Variants in TAOK3 observed in about 807,000 individuals in gnomAD.
TAOK3 encodes the protein TAO kinase 3, also known as serine/threonine-protein kinase TAO3.
Under a neutral mutation model 120.4 loss-of-function variants are expected in TAOK3, and 40 were observed. The observed-to-expected ratio is 0.33, with a 90% confidence interval of 0.26 to 0.43. TAOK3 has a LOEUF of 0.43. Among genes scored for constraint, TAOK3 ranks in the 20% least tolerant of loss-of-function variants. The pLI is 1.00. For missense variants in TAOK3, 821 were observed against 1,112.1 expected, an observed-to-expected ratio of 0.74 and a Z score of 3.72; for synonymous variants, 355 against 387.5, an observed-to-expected ratio of 0.92 and a Z score of 0.99.
intron 19 of TAOK3, among the ~76,000 whole-genome samples, chr12:118,157,951 C>T (rs1193881204): frequency 6.6e-6 from 1 of 152,186 alleles, no homozygotes; most frequent in African/African-American, 2.4e-5. Context: ...AAAGCAGTCT[C>T]ACTTACCATC....
intron 1 of TAOK3, among the ~76,000 whole-genome samples, chr12:118,316,222 A>C (rs772930865): frequency 3.3e-5 from 5 of 152,210 alleles, no homozygotes; most frequent in Non-Finnish European, 7.4e-5. Context: ...CCTAATGATC[A>C]TGGATTTGTT....
chr12:118,321,755 A>T (rs1165264447), intron 1 of TAOK3, among the ~76,000 whole-genome samples: 1 of 152,074 alleles, frequency 6.6e-6, no homozygotes, highest in Non-Finnish European at 1.5e-5. Flanking sequence ...TTGTTGTTTC[A>T]CTTATCTGAG....
chr12:118,318,947 T>C (rs966958774), intron 1 of TAOK3, among the ~76,000 whole-genome samples: 1 of 152,094 alleles, frequency 6.6e-6, no homozygotes, highest in African/African-American at 2.4e-5. Flanking sequence ...TAGAGAACAT[T>C]ACACTCAATG....
intron 14 of TAOK3, among the ~76,000 whole-genome samples, chr12:118,185,742 G>A (rs1474404520): frequency 6.6e-6 from 1 of 152,212 alleles, no homozygotes; most frequent in Non-Finnish European, 1.5e-5. Context: ...AAATTCTCAT[G>A]TGATAGCAAG....
intron 1 of TAOK3, among the ~76,000 whole-genome samples, chr12:118,321,049 T>C (rs908921177): frequency 2.6e-5 from 4 of 152,114 alleles, no homozygotes; most frequent in African/African-American, 7.2e-5. Context: ...ATGTTAATAA[T>C]ATAAACAACA....
chr12:118,169,310 A>ACC (rs1259794098), intron 17 of TAOK3, among the ~76,000 whole-genome samples: 26 of 22,474 alleles, frequency 1.2e-3, no homozygotes, highest in Non-Finnish European at 1.9e-3. Flanking sequence ...CACCACGCCC[A>ACC]CCCCCACCCC....
In TAOK3 at chr12:118,150,817, A is replaced by C; in HGVS notation, c.*180T>G. On this transcript the variant is annotated 3_prime_UTR_variant, in exon 21 of 21. Transcript: ENST00000392533. The stretch of plus-strand genomic sequence containing the variant: ...ACTGAAAGTTGACACGGGGGGAGGA[A>C]GGGGGCCCCTGATGGAGTAAGAATA... 97 of 619,542 alleles carry C rather than the reference A, an allele frequency of 1.6e-4. No individual in the cohort carries two copies. Among genetic ancestry groups the C allele is most frequent in the East Asian group, 2.1e-4 (7 of 32,844 alleles). The allele number at this position is 619,542 out of a possible 1,614,324, so 38.4% of individuals were successfully genotyped here. A position where few individuals can be genotyped will look rare whatever the true frequency, so the allele number is the denominator to read the frequency against.
rs144763099 is a variant in TAOK3 at position 118,230,319 on chromosome 12, T to G, written c.643+3355A>C. On this transcript the variant is annotated intron_variant, in intron 9 of 20. Coordinates refer to ENST00000392533, the MANE Select transcript of TAOK3 (RefSeq NM_016281.4). ...CCTAGTCTGTTCTACTGGATACTAG[T>G]CTTTCCCTGCAACAATACCATATGG... 8.6e-3 allele frequency among the ~76,000 whole-genome samples: 1,316 copies of G among 152,218 alleles called. 12 individuals are homozygous for G. The highest frequency in any genetic ancestry group is 0.029 in the African/African-American group (1,212 of 41,534).
At chr12:118,322,019 A>G (rs2043727499) in intron 1 of TAOK3, among the ~76,000 whole-genome samples, 1 of 152,206 alleles carries the variant, frequency 6.6e-6, no homozygotes, top group Non-Finnish European at 1.5e-5. Context: ...CACAAAAGAT[A>G]TAATAGAAAA....
At chr12:118,346,201 A>AC (rs1182119554) in intron 1 of TAOK3, among the ~76,000 whole-genome samples, 10 of 152,272 alleles carry the variant, frequency 6.6e-5, no homozygotes, top group African/African-American at 2.2e-4. Context: ...TAGGTCAGGG[A>AC]CTTCTCACCA....
chr12:118,290,948 C>T (rs1438660905), intron 1 of TAOK3, among the ~76,000 whole-genome samples: 10 of 146,156 alleles, frequency 6.8e-5, no homozygotes, highest in South Asian at 2.2e-4. Flanking sequence ...AGTGCCGTGG[C>T]GTGATCTCGG....
intron 1 of TAOK3, among the ~76,000 whole-genome samples, chr12:118,300,871 G>T (rs1027547190): frequency 3.3e-5 from 5 of 152,018 alleles, no homozygotes; most frequent in African/African-American, 1.2e-4. Flanking sequence ...TGCCTCCTGG[G>T]TTCAAGCGAT....
intron 19 of TAOK3, among the ~76,000 whole-genome samples, chr12:118,155,674 C>T (rs1216786061): frequency 1.3e-5 from 2 of 152,106 alleles, no homozygotes; most frequent in African/African-American, 2.4e-5. Context: ...GAAGAAAGGG[C>T]ATTTCTCTCC....
At chr12:118,317,857 T>C (rs2043535359) in intron 1 of TAOK3, among the ~76,000 whole-genome samples, 1 of 152,156 alleles carries the variant, frequency 6.6e-6, no homozygotes, top group Non-Finnish European at 1.5e-5. Flanking sequence ...AGGACTCACA[T>C]TTCCTGCAGC....
At chr12:118,348,920 C>T (rs2045008594) in intron 1 of TAOK3, among the ~76,000 whole-genome samples, 1 of 147,066 alleles carries the variant, frequency 6.8e-6, no homozygotes, top group African/African-American at 2.5e-5. Context: ...CCGGGTCTCA[C>T]TCTTGTTGCC....
At chr12:118,321,591 C>G (rs1314114757) in intron 1 of TAOK3, among the ~76,000 whole-genome samples, 1 of 152,132 alleles carries the variant, frequency 6.6e-6, no homozygotes, top group East Asian at 1.9e-4. Flanking sequence ...AACAAGAAAA[C>G]TAGTCATTTT....
chr12:118,215,504 T>C (rs2038856693), intron 9 of TAOK3, among the ~76,000 whole-genome samples: 1 of 151,398 alleles, frequency 6.6e-6, no homozygotes, highest in Non-Finnish European at 1.5e-5. Context: ...AGAGTGAGAC[T>C]CTGTCTCAAA....
At chr12:118,319,940 C>A (rs2043632297) in intron 1 of TAOK3, among the ~76,000 whole-genome samples, 1 of 152,078 alleles carries the variant, frequency 6.6e-6, no homozygotes, top group Non-Finnish European at 1.5e-5. Flanking sequence ...AAGGTGGAAA[C>A]AACGTGAAGT....
At chr12:118,270,178 A>G (rs1030128167) in intron 1 of TAOK3, among the ~76,000 whole-genome samples, 3 of 152,164 alleles carry the variant, frequency 2.0e-5, no homozygotes, top group African/African-American at 7.2e-5. Flanking sequence ...CTTCTCCCCT[A>G]AATGGCTCAC....
Sources: allele counts gnomAD v4.1 joint callset (sites outside exome capture counted in the v4.1 genomes callset), GRCh38; gene constraint gnomAD v4.1.1; transcripts MANE v1.5; gene names NCBI Gene and HGNC (gene_info 2026-07-23, HGNC 2026-07-21).